Variants in RCOR1 observed in about 807,000 individuals in gnomAD.
RCOR1 encodes the protein REST corepressor.
Under a neutral mutation model 64.0 loss-of-function variants are expected in RCOR1, and 12 were observed. The ratio of observed to expected loss-of-function variants is 0.19; its 90% CI spans 0.12 to 0.30. The LOEUF (loss-of-function observed/expected upper bound fraction) is 0.30, where lower values mean the gene tolerates loss of function less well. Ranked by LOEUF, RCOR1 falls within the 10% of genes least tolerant of loss-of-function variation. RCOR1 has a pLI of 1.00. For synonymous variants in RCOR1, 279 were observed against 227.2 expected (o/e 1.23, Z -2.05); for missense variants, 502 against 621.2 (o/e 0.81, Z 2.04).
intron 2 of RCOR1, among the ~76,000 whole-genome samples, chr14:102,622,293 C>G (rs1893890931): frequency 2.6e-5 from 4 of 152,162 alleles, no homozygotes; most frequent in Middle Eastern, 3.2e-3. Flanking sequence ...AAGACTTCTA[C>G]TACACTGCCA....
chr14:102,674,538 A>G (rs1300924532), intron 2 of RCOR1, among the ~76,000 whole-genome samples: 1 of 152,186 alleles, frequency 6.6e-6, no homozygotes, highest in Non-Finnish European at 1.5e-5. Context: ...TTTGAAAAAC[A>G]TTGCATATAT....
Position 102,664,278 on chromosome 14 carries a change from G to GT in RCOR1, c.362-17609dup, listed in dbSNP as rs1034656590. Among the ~76,000 whole-genome samples the GT allele has an allele frequency of 4.0e-3, 605 of 151,216 alleles. 1 individual carries two copies. The highest frequency in any genetic ancestry group is 0.014 in the African/African-American group (564 of 41,236). On this transcript the variant is annotated intron_variant, in intron 2 of 11. Transcript: ENST00000262241. ...GAGCCACCACGCCCAGCTGGGTTTGGTTTTTTTTGCATTTTTAGTAGAGCC... is the reference window on the plus strand; with the variant it reads ...GAGCCACCACGCCCAGCTGGGTTTGGTTTTTTTTTGCATTTTTAGTAGAGCC...
intron 2 of RCOR1, among the ~76,000 whole-genome samples, chr14:102,637,614 T>C (rs889506628): frequency 2.0e-5 from 3 of 151,960 alleles, no homozygotes; most frequent in South Asian, 2.1e-4. Flanking sequence ...GCTTGGCTAA[T>C]GTTTAGTATT....
chr14:102,601,804 A>T (rs138750078), intron 2 of RCOR1, among the ~76,000 whole-genome samples: 1 of 152,136 alleles, frequency 6.6e-6, no homozygotes, highest in African/African-American at 2.4e-5. Flanking sequence ...AGTTAACTAC[A>T]CTCCTTGCAA....
At chr14:102,629,964 C>T in intron 2 of RCOR1, 1 of 968,786 alleles carries the variant, frequency 1.0e-6, no homozygotes, top group Non-Finnish European at 1.2e-6. Context: ...TATGTGACCT[C>T]CTAGATAAAG....
At chr14:102,723,624 C>T (rs908426559) in intron 11 of RCOR1, among the ~76,000 whole-genome samples, 3 of 152,208 alleles carry the variant, frequency 2.0e-5, no homozygotes, top group Middle Eastern at 3.2e-3. Flanking sequence ...GTGTTTTTAT[C>T]TTTCAGCAGT....
intron 8 of RCOR1, among the ~76,000 whole-genome samples, chr14:102,719,271 CT>C (rs764975724): frequency 5.9e-5 from 9 of 152,080 alleles, no homozygotes; most frequent in Non-Finnish European, 1.3e-4. Context: ...TAAAATTATA[CT>C]TTAAGTTCTA....
At chr14:102,694,257 T>TA (rs1437986974) in intron 3 of RCOR1, among the ~76,000 whole-genome samples, 1 of 152,158 alleles carries the variant, frequency 6.6e-6, no homozygotes, top group Non-Finnish European at 1.5e-5. Flanking sequence ...GAAATAGCTT[T>TA]AAAAAATTTA....
chr14:102,677,965 G>A (rs1333849922), intron 2 of RCOR1, among the ~76,000 whole-genome samples: 5 of 151,854 alleles, frequency 3.3e-5, no homozygotes, highest in Admixed American at 1.3e-4. Context: ...TCGGGAGGCC[G>A]AGGCTGGCGG....
chr14:102,637,971 T>C (rs1265399527), intron 2 of RCOR1, among the ~76,000 whole-genome samples: 1 of 152,220 alleles, frequency 6.6e-6, no homozygotes, highest in African/African-American at 2.4e-5. Flanking sequence ...TGTTTGATTA[T>C]CCATTTCTTT....
At chr14:102,628,890 G>C (rs1250461285) in intron 2 of RCOR1, among the ~76,000 whole-genome samples, 1 of 147,486 alleles carries the variant, frequency 6.8e-6, no homozygotes. Flanking sequence ...GTGCCAACTT[G>C]CTCTTTTTTT....
chr14:102,703,659 G>A (rs929898977), intron 4 of RCOR1, among the ~76,000 whole-genome samples: 4 of 152,304 alleles, frequency 2.6e-5, no homozygotes, highest in East Asian at 1.9e-4. Flanking sequence ...AAAAGCTGCC[G>A]GAGAGTCTCT....
rs1353546122 is a variant in RCOR1, at chr14:102,727,834, C to T, written c.*1328C>T. 6.6e-6 allele frequency: 1 copy of T among 152,330 alleles called. No individual in the cohort carries two copies. The highest frequency in any genetic ancestry group is 1.5e-5 in the Non-Finnish European group (1 of 68,032). 9.4% of individuals were successfully genotyped at this position (152,330 alleles called of 1,614,324 possible). A position where few individuals can be genotyped will look rare whatever the true frequency, so the allele number is the denominator to read the frequency against. On this transcript the variant is annotated 3_prime_UTR_variant, in exon 12 of 12. Transcript: ENST00000262241. ...GAATCACTTTTGTTATCTTATCAGACCATGGGCCTGCTGAGGGTTGAGCAG... is the reference window on the plus strand; with the variant it reads ...GAATCACTTTTGTTATCTTATCAGATCATGGGCCTGCTGAGGGTTGAGCAG...
Position 102,621,921 on chromosome 14 carries a change from G to A in RCOR1, c.361+28596G>A, listed in dbSNP as rs191267808. 2.0e-5 allele frequency among the ~76,000 whole-genome samples: 3 copies of A among 152,146 alleles called. No individual in the cohort carries two copies. The East Asian group carries it at 5.8e-4, about 29-fold the overall frequency. On this transcript the variant is annotated intron_variant, in intron 2 of 11. Transcript: ENST00000262241. Reference sequence around the variant, plus strand: ...GTCTTCAGATTGTACCAATTTAGCTGGCATTGCTAACCAACTGTTGGAATC... The same window carrying A: ...GTCTTCAGATTGTACCAATTTAGCTAGCATTGCTAACCAACTGTTGGAATC...
chr14:102,649,922 G>A (rs554379860), intron 2 of RCOR1: 18 of 336,740 alleles, frequency 5.3e-5, no homozygotes, highest in South Asian at 1.2e-4. Context: ...GCCTTGGGCC[G>A]GGCGCGGTGG....
chr14:102,692,303 T>G (rs982933900), intron 3 of RCOR1, among the ~76,000 whole-genome samples: 3 of 152,218 alleles, frequency 2.0e-5, no homozygotes, highest in Non-Finnish European at 4.4e-5. Flanking sequence ...CAGATTAAAG[T>G]ATTGTTTCCG....
intron 2 of RCOR1, chr14:102,662,669 G>A: frequency 2.2e-6 from 1 of 446,970 alleles, no homozygotes; most frequent in Non-Finnish European, 4.3e-6. Flanking sequence ...GCTTCGGCTT[G>A]AGGAGGGGCA....
intron 2 of RCOR1, among the ~76,000 whole-genome samples, chr14:102,604,467 C>T (rs189670049): frequency 6.6e-6 from 1 of 152,232 alleles, no homozygotes; most frequent in East Asian, 1.9e-4. Context: ...TACTCTGTGC[C>T]AGGCTAGTTT....
chr14:102,599,803 G>GTTTTTTTTTTTT (rs758594132), intron 2 of RCOR1, among the ~76,000 whole-genome samples: 1 of 93,786 alleles, frequency 1.1e-5, no homozygotes, highest in African/African-American at 3.5e-5. Context: ...GTTTTGTTTT[G>GTTTTTTTTTTTT]TTTTGTTTTT....
Sources: gnomAD v4.1 joint callset for allele counts (sites outside exome capture counted in the v4.1 genomes callset) on GRCh38, gnomAD v4.1.1 for gene constraint, MANE v1.5 for transcripts, NCBI Gene and HGNC (gene_info 2026-07-23, HGNC 2026-07-21) for gene names.